Variants in ZMYND19 observed in about 807,000 individuals in gnomAD.
The protein encoded by ZMYND19 is zinc finger MYND domain-containing protein 19.
A neutral mutation model predicts 32.0 loss-of-function variants in ZMYND19; 17 were observed. The ratio of observed to expected loss-of-function variants is 0.53; its 90% confidence interval spans 0.36 to 0.80. The LOEUF (loss-of-function observed/expected upper bound fraction) is 0.80. ZMYND19 is among the 30% of genes least tolerant of loss of function. ZMYND19 has a pLI of 0.00. For synonymous variants in ZMYND19, 124 were observed against 113.6 expected, an observed-to-expected ratio of 1.09 and a Z score of -0.58; for missense variants, 250 against 293.6, an observed-to-expected ratio of 0.85 and a Z score of 1.09.
At chr9:137,589,307 T>G in intron 1 of ZMYND19, 1 of 982,344 alleles carries the variant, frequency 1.0e-6, no homozygotes. Flanking sequence ...AGGCCCTGCC[T>G]ATGCTCTTGC....
intron 1 of ZMYND19, 132 bp from the exon 2 acceptor site, chr9:137,588,850 A>T: frequency 1.0e-6 from 1 of 981,442 alleles, no homozygotes; most frequent in Non-Finnish European, 1.6e-6. Context: ...GCCTCTTCAG[A>T]CCAAGACAGC....
In ZMYND19 at chr9:137,582,285, G is replaced by T. The variant is rs1842155173; in HGVS notation, c.*258C>A. The T allele has an allele frequency of 5.1e-6, 2 of 390,258 alleles. No homozygotes were observed. Among genetic ancestry groups the T allele is most frequent in the African/African-American group, 4.1e-5 (2 of 48,256 alleles). The allele number at this position is 390,258 out of a possible 1,614,324, so 24.2% of individuals were successfully genotyped here. A position where few individuals can be genotyped will look rare whatever the true frequency, so the allele number is the denominator to read the frequency against. ...CATTGCCTCCCCCCCAAAAAAAACTGTACATGAGTTTACAAACATATTAAC... is the reference window on the plus strand; with the variant it reads ...CATTGCCTCCCCCCCAAAAAAAACTTTACATGAGTTTACAAACATATTAAC... On this transcript the variant is annotated 3_prime_UTR_variant, in exon 6 of 6. Coordinates refer to ENST00000298585, the MANE Select transcript of ZMYND19 (RefSeq NM_138462.3).
chr9:137,588,707 C>A lies in ZMYND19; in HGVS notation c.63G>T (p.Thr21=), dbSNP rs377023104. The change falls in exon 2 of 6, where the codon ACG becomes ACT. Residue 21 remains threonine, a synonymous_variant. Coordinates refer to ENST00000298585, the MANE Select transcript of ZMYND19 (RefSeq NM_138462.3). ...LGRVAGKTKY[T]LIDEQDIPLV... The stretch of plus-strand genomic sequence containing the variant: ...GCGGGATGTCCTGCTCATCGATCAG[C>A]GTGTATTTGGTCTGGAAGTTAACCA... 6.2e-7 allele frequency: 1 copy of A among 1,614,044 alleles called. No homozygotes were observed. Among genetic ancestry groups the A allele is most frequent in the Non-Finnish European group, 8.5e-7 (1 of 1,180,018 alleles).
intron 4 of ZMYND19, among the ~76,000 whole-genome samples, 183 bp from the exon 5 acceptor site, chr9:137,583,346 C>A (rs1032452815): frequency 9.9e-5 from 15 of 152,218 alleles, no homozygotes; most frequent in Non-Finnish European, 1.8e-4. Context: ...TGTGTCTCAT[C>A]TTCCCACTAA....
rs138269406 is a variant in ZMYND19 at position 137,587,228 on chromosome 9, G to C, written c.219-121C>G. 9.5e-5 allele frequency: 141 copies of C among 1,481,494 alleles called. 1 individual carries two copies. The highest frequency in any genetic ancestry group is 5.0e-4 in the Middle Eastern group (2 of 3,980). The allele number at this position is 1,481,494 out of a possible 1,614,324, so 91.8% of individuals were successfully genotyped here. On this transcript the variant is annotated intron_variant, in intron 3 of 5. Transcript: ENST00000298585. ...AAATGTCAGCCATGTGATCTGATCG[G>C]GCCCCTGGTCCTTTGGATGAGGGTA...
chr9:137,584,578 G>A (rs1018214144), intron 4 of ZMYND19, among the ~76,000 whole-genome samples: 2 of 152,192 alleles, frequency 1.3e-5, no homozygotes, highest in African/African-American at 2.4e-5. Flanking sequence ...GGTGAGCAGC[G>A]GGCGAACTTG....
At position 137,582,570 on chromosome 9, in the gene ZMYND19, G is replaced by A. The variant is rs779926198; in HGVS notation, c.657C>T (p.Phe219=). The stretch of plus-strand genomic sequence containing the variant: ...ATCGCTCTGGCTCAAGCTCATGCTG[G>A]AAGGGACGCTTCCTCTCCCGACAGT... The part of the protein sequence containing the change: ...KKHCRERKRP[F]QHELEPER The change falls in exon 6 of 6, where the codon TTC becomes TTT. Residue 219 remains phenylalanine (F), a synonymous_variant. Coordinates refer to ENST00000298585, the MANE Select transcript of ZMYND19 (RefSeq NM_138462.3). The A allele has an allele frequency of 6.2e-7, 1 of 1,613,220 alleles. No individual in the cohort carries two copies. Among genetic ancestry groups the A allele is most frequent in the South Asian group, 1.1e-5 (1 of 91,058 alleles).
chr9:137,589,326 C>T (rs1033256844), intron 1 of ZMYND19: 1 of 985,168 alleles, frequency 1.0e-6, no homozygotes, highest in East Asian at 1.1e-4. Flanking sequence ...GCAGCAGGGG[C>T]AGGAAACAGG....
Position 137,583,138 on chromosome 9 carries a change from T to C in ZMYND19, c.385A>G (p.Ile129Val). Residue 129 changes from isoleucine to valine, a missense_variant, in exon 5 of 6, where the codon ATT (isoleucine) becomes GTT (valine). By Grantham distance (29) the Ile-to-Val change is conservative. Around this residue, in one of 2 missense-constraint regions of ZMYND19, gnomAD observed 212 missense variants for 218.8 expected, o/e 0.97. Transcript: ENST00000298585. ...ATAGGGTCTGTAGGCAGCTGCTGAA[T>C]TGCAAGCCAATACAAGCTTTGCTCC... ...QREQSLYWLA[I>V]QQLPTDPIEE... The C allele has an allele frequency of 5.6e-6, 9 of 1,614,036 alleles. No individual in the cohort carries two copies. Among genetic ancestry groups the C allele is most frequent in the Non-Finnish European group, 7.6e-6 (9 of 1,179,984 alleles).
intron 1 of ZMYND19, 155 bp from the exon 2 acceptor site, chr9:137,588,873 G>A: frequency 1.3e-6 from 1 of 763,184 alleles, no homozygotes; most frequent in Non-Finnish European, 2.2e-6. Flanking sequence ...AGCACATGGG[G>A]GCCTCATTCC....
intron 4 of ZMYND19, among the ~76,000 whole-genome samples, chr9:137,585,305 C>T (rs1339606995): frequency 6.6e-6 from 1 of 151,814 alleles, no homozygotes; most frequent in East Asian, 1.9e-4. Flanking sequence ...CACCTGTAAC[C>T]CCAGCTACTA....
chr9:137,587,756 C>T lies in ZMYND19; in HGVS notation c.179G>A (p.Arg60Gln). 6 of 1,614,170 alleles carry T rather than the reference C, an allele frequency of 3.7e-6. No homozygotes were observed. The highest frequency in any genetic ancestry group is 5.1e-6 in the Non-Finnish European group (6 of 1,180,036). ...KIFAYAFDKN[R>Q]GRGSGRLLHE... Reference sequence around the variant, plus strand: ...AAGGAGTCTCCCAGAGCCCCTTCCTCGGTTCTTGTCAAAGGCATAGGCAAA... The same window carrying T: ...AAGGAGTCTCCCAGAGCCCCTTCCTTGGTTCTTGTCAAAGGCATAGGCAAA... The change falls in exon 3 of 6, where the codon CGA (arginine) becomes CAA (glutamine). Residue 60 changes from arginine to glutamine, a missense_variant. Around this residue, in one of 2 missense-constraint regions of ZMYND19, gnomAD observed 212 missense variants for 218.8 expected, o/e 0.97. Coordinates refer to ENST00000298585, the MANE Select transcript of ZMYND19 (RefSeq NM_138462.3).
At position 137,590,170 on chromosome 9, in the gene ZMYND19, G is replaced by A; in HGVS notation, c.51+43C>T. 2 of 1,002,142 alleles carry A rather than the reference G, an allele frequency of 2.0e-6. No homozygotes were observed. Among genetic ancestry groups the A allele is most frequent in the Non-Finnish European group, 2.3e-6 (2 of 852,548 alleles). 62.1% of individuals were successfully genotyped at this position (1,002,142 alleles called of 1,614,324 possible). A position where few individuals can be genotyped will look rare whatever the true frequency, so the allele number is the denominator to read the frequency against. ...CGCCCCCGGCCCCGCGCGGAGGCCT[G>A]GACGGGCGAGACGGGCCGGGTCGCG... is the stretch of plus-strand genomic sequence containing the variant. On this transcript the variant is annotated intron_variant, in intron 1 of 5. Transcript: ENST00000298585. This position sits in a 1 kb window ranked among gnomAD's most constrained non-coding sequence, Gnocchi z 4.2.
Position 137,582,889 on chromosome 9 carries a change from G to A in ZMYND19, c.540+94C>T, listed in dbSNP as rs562041689. 1.9e-6 allele frequency: 3 copies of A among 1,553,078 alleles called. No homozygotes were observed. In the South Asian group the frequency reaches 3.7e-5, roughly 19 times the overall value. On this transcript the variant is annotated intron_variant, in intron 5 of 5. Coordinates refer to ENST00000298585, the MANE Select transcript of ZMYND19 (RefSeq NM_138462.3). ...CAAGAGGTGCTAAGCGGTCTCTGGG[G>A]AATGGGACCCCGCGGTGGAGGGCAA...
At chr9:137,588,370 T>C (rs909356868) in intron 2 of ZMYND19, among the ~76,000 whole-genome samples, 1 of 152,166 alleles carries the variant, frequency 6.6e-6, no homozygotes, top group Admixed American at 6.5e-5. Context: ...ATCACAAACA[T>C]GAGAACATTC....
chr9:137,587,995 CCAG>C (rs1054156052), intron 2 of ZMYND19, among the ~76,000 whole-genome samples, 172 bp from the exon 3 acceptor site: 2 of 152,222 alleles, frequency 1.3e-5, no homozygotes, highest in Admixed American at 1.3e-4. Context: ...CTCCCAGGGG[CCAG>C]CGTGGCCCAC....
chr9:137,587,618 C>A, intron 3 of ZMYND19, 99 bp downstream of exon 3: 3 of 1,007,724 alleles, frequency 3.0e-6, no homozygotes, highest in South Asian at 1.3e-5. Context: ...GAAGGCAAGG[C>A]AGGGCTTCAG....
In ZMYND19 at chr9:137,590,104, C is replaced by T. The variant is rs1842255334; in HGVS notation, c.51+109G>A. On this transcript the variant is annotated intron_variant, in intron 1 of 5. Transcript: ENST00000298585. This position sits in a 1 kb window ranked among gnomAD's most constrained non-coding sequence, Gnocchi z 4.2. ...CGTCCCCCGCCCCGCTGGGGCCCAT[C>T]CCGGGCTCCGCGCCCCCGCCCCGGC... 3 of 982,744 alleles carry T rather than the reference C, an allele frequency of 3.1e-6. No homozygotes were observed. The highest frequency in any genetic ancestry group is 3.6e-6 in the Non-Finnish European group (3 of 828,870). The allele number at this position is 982,744 out of a possible 1,614,324, so 60.9% of individuals were successfully genotyped here.
In ZMYND19 at chr9:137,582,498, A is replaced by C. The variant is rs1453098519; in HGVS notation, c.*45T>G. On this transcript the variant is annotated 3_prime_UTR_variant, in exon 6 of 6. Coordinates refer to ENST00000298585, the MANE Select transcript of ZMYND19 (RefSeq NM_138462.3). The stretch of plus-strand genomic sequence containing the variant: ...CCACCAGTCTGTCTCTGCTGTGCCC[A>C]GGGTAGAGCCCGGGGGCTGTGAGTA... The C allele has an allele frequency of 3.1e-6, 5 of 1,594,938 alleles. No homozygotes were observed. Among genetic ancestry groups the C allele is most frequent in the Non-Finnish European group, 4.3e-6 (5 of 1,170,996 alleles).
Sources: gnomAD v4.1 joint callset for allele counts (sites outside exome capture counted in the v4.1 genomes callset) on GRCh38, gnomAD v4.1.1 for gene constraint, gnomAD v4.1.1 regional missense constraint, Gnocchi (gnomAD v3.1) non-coding constraint, MANE v1.5 for transcripts, NCBI Gene and HGNC (gene_info 2026-07-23, HGNC 2026-07-21) for gene names.